The following CACNA1A variants were observed in gnomAD, a reference collection of about 807,000 sequenced individuals.
CACNA1A encodes voltage-dependent P/Q-type calcium channel subunit alpha-1A.
In CACNA1A, 57 loss-of-function variants were observed where a neutral mutation model predicts 262.4. The ratio of observed to expected loss-of-function variants is 0.22; its 90% CI spans 0.18 to 0.27. CACNA1A has a LOEUF of 0.27. CACNA1A is among the 10% of genes least tolerant of loss of function. CACNA1A has a pLI of 1.00. For missense variants in CACNA1A, 2,526 were observed against 3,562.8 expected, an observed-to-expected ratio of 0.71 and a Z score of 7.41; for synonymous variants, 1,431 against 1,419.3, an observed-to-expected ratio of 1.01 and a Z score of -0.18.
At chr19:13,434,187 C>T (rs377406963) in intron 3 of CACNA1A, among the ~76,000 whole-genome samples, 41 of 152,124 alleles carry the variant, frequency 2.7e-4, no homozygotes, top group African/African-American at 9.7e-4. Flanking sequence ...GATAAGTTTT[C>T]GCCCTGTCAC....
At chr19:13,439,237 T>C (rs2060668595) in intron 3 of CACNA1A, among the ~76,000 whole-genome samples, 2 of 149,526 alleles carry the variant, frequency 1.3e-5, no homozygotes, top group Admixed American at 6.8e-5. Flanking sequence ...GCCTCCCGAG[T>C]AGCTGGGACT....
At chr19:13,240,854 C>T (rs1271588364) in intron 31 of CACNA1A, among the ~76,000 whole-genome samples, 2 of 152,236 alleles carry the variant, frequency 1.3e-5, no homozygotes, top group East Asian at 1.9e-4. Flanking sequence ...TGCGTGTGCA[C>T]GTACAGTTCA....
chr19:13,209,602 T>C lies in CACNA1A; in HGVS notation c.6340-104A>G, dbSNP rs17846927. The stretch of plus-strand genomic sequence containing the variant: ...CAGCCTGGTGGTGGCCTTCGGTGAC[T>C]GCGGTGTGACCATCCTGGGGCAGGG... On this transcript the variant is annotated intron_variant, in intron 44 of 46. Transcript: ENST00000360228. The C allele has an allele frequency of 2.1e-3, 1,805 of 876,834 alleles. 33 individuals carry two copies. The East Asian group carries it at 0.044, about 22-fold the overall frequency. 54.3% of individuals were successfully genotyped at this position (876,834 alleles called of 1,614,324 possible).
rs121908217 is a variant in CACNA1A, at chr19:13,308,452, C to T, written c.1745G>A (p.Arg582Gln). 2 of 1,613,390 alleles carry T rather than the reference C, an allele frequency of 1.2e-6. No individual in the cohort carries two copies. The highest frequency in any genetic ancestry group is 1.7e-6 in the Non-Finnish European group (2 of 1,179,568). Residue 582 changes from arginine (R) to glutamine (Q), a missense_variant, in exon 13 of 47, where the codon CGA becomes CAA. Physicochemically the swap from Arg to Gln is conservative, Grantham distance 43. Transcript: ENST00000360228. The surrounding 1 kb of genome is among the most constrained non-coding windows in gnomAD (Gnocchi z 4.2). The stretch of plus-strand genomic sequence containing the variant: ...GAAAATACGCAATAACCTGAGGGCT[C>T]GTAACACGCTGATTCCAAAGGATGT... ...PGTSFGISVL[R>Q]ALRLLRIFKV...
Position 13,317,337 on chromosome 19 carries a change from T to TG in CACNA1A, c.1346-17dup. Reference sequence around the variant, plus strand: ...AAGGGAGAACCTGCCAGGGAAAAGATGGAGAATGTCAGGCTCAGGCTGTTC... The same window carrying TG: ...AAGGGAGAACCTGCCAGGGAAAAGATGGGAGAATGTCAGGCTCAGGCTGTTC... On this transcript the variant is annotated splice_polypyrimidine_tract_variant and intron_variant, in intron 10 of 46. Transcript: ENST00000360228. The TG allele has an allele frequency of 6.3e-7, 1 of 1,590,290 alleles. No homozygotes were observed.
intron 6 of CACNA1A, among the ~76,000 whole-genome samples, chr19:13,341,251 A>G (rs987614711): frequency 6.6e-6 from 1 of 152,136 alleles, no homozygotes; most frequent in South Asian, 2.1e-4. Context: ...AGAAGCTAGG[A>G]GGGAGGCAAG....
rs80273484 is a variant in CACNA1A at position 13,457,107 on chromosome 19, C to A, written c.294-1895G>T. ...TCTACAAAAAATATGAAAAATTAGC[C>A]GGGCATAGTGGCGCAGGCCTGTAGT... On this transcript the variant is annotated intron_variant, in intron 1 of 46. Coordinates refer to ENST00000360228, the MANE Select transcript of CACNA1A (RefSeq NM_001127222.2). Among the ~76,000 whole-genome samples the A allele has an allele frequency of 3.9e-3, 594 of 152,082 alleles. 9 individuals carry two copies. The highest frequency in any genetic ancestry group is 0.03 in the Admixed American group (455 of 15,250).
At chr19:13,232,001 C>G (rs2055680440) in intron 34 of CACNA1A, 141 bp from the exon 35 acceptor site, 1 of 721,552 alleles carries the variant, frequency 1.4e-6, no homozygotes, top group East Asian at 2.7e-5. Flanking sequence ...CCTCCTTTTA[C>G]TGGGAGCTGA....
chr19:13,293,444 T>C, intron 19 of CACNA1A, among the ~76,000 whole-genome samples: 1 of 134,072 alleles, frequency 7.5e-6, no homozygotes, highest in Admixed American at 7.5e-5. Flanking sequence ...TAAATCTTTT[T>C]TTTTTTTTTT....
intron 38 of CACNA1A, among the ~76,000 whole-genome samples, chr19:13,215,610 G>T (rs1462484483): frequency 7.1e-6 from 1 of 140,334 alleles, no homozygotes; most frequent in Non-Finnish European, 1.5e-5. Context: ...GTGAGCCACC[G>T]CGTCTGGCCT....
rs371116746 is a variant in CACNA1A, at chr19:13,208,975, G to T, written c.6561C>A (p.Ser2187=). The T allele has an allele frequency of 1.3e-6, 2 of 1,537,406 alleles. No individual in the cohort carries two copies. The highest frequency in any genetic ancestry group is 3.9e-5 in the Admixed American group (2 of 50,998). ...CCCGCTCCTTCGACGGCAGGTCCCC[G>T]GATTGGGTGGTCATGCTCAGGTCTG... ...LGTDLSMTTQ[S]GDLPSKERDQ... is the part of the protein sequence containing the mutation. Residue 2187 remains serine, a synonymous_variant, in exon 46 of 47, where the codon TCC becomes TCA. Transcript: ENST00000360228.
chr19:13,310,475 A>AT (rs2058001652), intron 12 of CACNA1A, among the ~76,000 whole-genome samples: 4 of 42,190 alleles, frequency 9.5e-5, no homozygotes, highest in African/African-American at 5.3e-4. Flanking sequence ...AAAAAAAAAA[A>AT]AAAAAAAAAA....
intron 29 of CACNA1A, among the ~76,000 whole-genome samples, chr19:13,253,811 C>T (rs1258280113): frequency 2.0e-5 from 3 of 151,886 alleles, no homozygotes; most frequent in Non-Finnish European, 2.9e-5. Context: ...GTGATCTCAG[C>T]TCACTGCAAC....
At chr19:13,346,740 C>T (rs2900916) in intron 6 of CACNA1A, among the ~76,000 whole-genome samples, 88,870 of 123,202 alleles carry the variant, frequency 0.72, 33,093 homozygotes, top group East Asian at 1. Flanking sequence ...AGTGCAGTGG[C>T]ACGATCTCGG....
chr19:13,275,657 C>T, intron 24 of CACNA1A, 193 bp downstream of exon 24: 1 of 605,350 alleles, frequency 1.7e-6, no homozygotes, highest in Non-Finnish European at 3.0e-6. Context: ...GGGGTCCCTT[C>T]TCCTTCTTCC....
chr19:13,318,693 T>G (rs367907270), intron 10 of CACNA1A, among the ~76,000 whole-genome samples: 10 of 151,886 alleles, frequency 6.6e-5, no homozygotes, highest in African/African-American at 2.2e-4. Context: ...TTAAGACAGA[T>G]TCAACATTTG....
chr19:13,298,648 G>A lies in CACNA1A; in HGVS notation c.2985C>T (p.Gly995=), dbSNP rs1051973. 5 of 1,500,650 alleles carry A rather than the reference G, an allele frequency of 3.3e-6. No homozygotes were observed. The highest frequency in any genetic ancestry group is 1.3e-5 in the South Asian group (1 of 79,316). 93.0% of individuals were successfully genotyped at this position (1,500,650 alleles called of 1,614,324 possible). A position where few individuals can be genotyped will look rare whatever the true frequency, so the allele number is the denominator to read the frequency against. Reference sequence around the variant, plus strand: ...TTCTCCTGCGCTCGCCCCCGTCGGGGCCCTCGCCCTCGCCCTCGCCGCCCC... The same window carrying A: ...TTCTCCTGCGCTCGCCCCCGTCGGGACCCTCGCCCTCGCCCTCGCCGCCCC... ...PARGGEGEGE[G]PDGGERRRRH... is the part of the protein sequence containing the mutation. Residue 995 remains glycine, a synonymous_variant, in exon 19 of 47, where the codon GGC becomes GGT. Coordinates refer to ENST00000360228, the MANE Select transcript of CACNA1A (RefSeq NM_001127222.2).
chr19:13,451,174 GACATCTGAAGGCCTCT>G (rs919698723), intron 3 of CACNA1A: 7 of 152,282 alleles, frequency 4.6e-5, no homozygotes, highest in Admixed American at 4.6e-4. Context: ...ACAGACTGCT[GACATCTGAAGGCCTCT>G]ACAGAAACAG....
intron 6 of CACNA1A, among the ~76,000 whole-genome samples, chr19:13,354,253 T>C (rs1476981489): frequency 6.6e-6 from 1 of 152,234 alleles, no homozygotes; most frequent in African/African-American, 2.4e-5. Context: ...GGACTCTCCG[T>C]TGATCTCAAC....
Sources: allele counts gnomAD v4.1 joint callset (sites outside exome capture counted in the v4.1 genomes callset), GRCh38; gene constraint gnomAD v4.1.1; non-coding constraint Gnocchi (gnomAD v3.1); transcripts MANE v1.5; gene names NCBI Gene and HGNC (gene_info 2026-07-23, HGNC 2026-07-21).